The following ADGRF1 variants were observed in gnomAD, a reference collection of about 807,000 sequenced individuals.
ADGRF1 encodes adhesion G protein-coupled receptor F1, also known as G protein-coupled receptor 110.
In ADGRF1, 85 loss-of-function variants were observed where a neutral mutation model predicts 87.2. The observed-to-expected ratio is 0.97, with a 90% CI of 0.82 to 1.17. The LOEUF is 1.17. ADGRF1 is among the 50% of genes most tolerant of loss of function. The pLI is 0.00. For missense variants in ADGRF1, 1,169 were observed against 1,077.2 expected (o/e 1.09, Z -1.19); for synonymous variants, 430 against 408.8 (o/e 1.05, Z -0.63).
rs759766820 is a variant in ADGRF1, at chr6:47,021,454, G to A, written c.552+504C>T. Among the ~76,000 whole-genome samples, 18 of 152,150 alleles carry A rather than the reference G, an allele frequency of 1.2e-4. 1 individual carries two copies. The highest frequency in any genetic ancestry group is 2.4e-4 in the African/African-American group (10 of 41,516). On this transcript the variant is annotated intron_variant, in intron 6 of 14. Coordinates refer to ENST00000371253, the MANE Select transcript of ADGRF1 (RefSeq NM_153840.4). ...CAGCTAACTACAAACTCCACCTCCC[G>A]GGTTCAAGCAATTCTCGTGCCTCAT... is the stretch of plus-strand genomic sequence containing the variant.
intron 1 of ADGRF1, among the ~76,000 whole-genome samples, chr6:47,036,373 C>T (rs1020954600): frequency 1.3e-5 from 2 of 152,162 alleles, no homozygotes; most frequent in Admixed American, 6.5e-5. Flanking sequence ...AAACTGCACA[C>T]GTACCCCCTG....
At chr6:47,033,819 A>G (rs908909449) in intron 1 of ADGRF1, among the ~76,000 whole-genome samples, 1 of 152,242 alleles carries the variant, frequency 6.6e-6, no homozygotes, top group African/African-American at 2.4e-5. Flanking sequence ...TGTTTCTGTA[A>G]CTGAACAGAG....
chr6:47,032,139 G>T lies in ADGRF1; in HGVS notation c.-43-3035C>A, dbSNP rs535082597. On this transcript the variant is annotated intron_variant, in intron 1 of 14. Transcript: ENST00000371253. ...GAAAGCGGCTGAGGGAGAGGTTGTG[G>T]CACCTGTGGCCTCCACTCCGCCCCC... 1.5e-3 allele frequency among the ~76,000 whole-genome samples: 224 copies of T among 152,164 alleles called. 1 individual carries two copies. Among genetic ancestry groups the T allele is most frequent in the Middle Eastern group, 6.8e-3 (2 of 294 alleles).
chr6:47,024,625 T>C (rs1780170478), intron 4 of ADGRF1, among the ~76,000 whole-genome samples: 1 of 152,190 alleles, frequency 6.6e-6, no homozygotes, highest in African/African-American at 2.4e-5. Flanking sequence ...TGAGTAGTGA[T>C]TTGTGATCCT....
At chr6:47,008,807 A>C in intron 11 of ADGRF1, 138 bp downstream of exon 11, 1 of 715,452 alleles carries the variant, frequency 1.4e-6, no homozygotes, top group South Asian at 2.3e-5. Flanking sequence ...TTTTCTATTT[A>C]TTGTTTCCAT....
intron 3 of ADGRF1, 152 bp from the exon 4 acceptor site, chr6:47,026,155 A>G (rs1294668747): frequency 1.6e-6 from 1 of 619,132 alleles, no homozygotes; most frequent in Non-Finnish European, 2.8e-6. Flanking sequence ...TGGACTAACA[A>G]TGAACACTGA....
At chr6:47,023,200 C>T (rs1007827148) in intron 5 of ADGRF1, among the ~76,000 whole-genome samples, 44 of 152,190 alleles carry the variant, frequency 2.9e-4, no homozygotes, top group African/African-American at 8.9e-4. Flanking sequence ...TACAACTAGT[C>T]TCCTAATTCA....
At chr6:47,027,172 A>G (rs115702753) in intron 3 of ADGRF1, among the ~76,000 whole-genome samples, 4 of 152,234 alleles carry the variant, frequency 2.6e-5, no homozygotes, top group African/African-American at 9.6e-5. Flanking sequence ...AATTGTATTC[A>G]TGTCATTCCA....
intron 1 of ADGRF1, among the ~76,000 whole-genome samples, chr6:47,035,850 C>A (rs1270346553): frequency 6.6e-6 from 1 of 152,196 alleles, no homozygotes; most frequent in East Asian, 1.9e-4. Context: ...CAGCTAAGCA[C>A]TGGGTACACA....
intron 7 of ADGRF1, chr6:47,020,442 T>G: frequency 8.8e-7 from 1 of 1,134,548 alleles, no homozygotes; most frequent in Non-Finnish European, 1.2e-6. Flanking sequence ...GTTGCAGGGT[T>G]GCAGTGAGCC....
intron 1 of ADGRF1, among the ~76,000 whole-genome samples, chr6:47,039,227 C>T (rs1780670214): frequency 1.3e-5 from 2 of 152,138 alleles, no homozygotes; most frequent in South Asian, 4.1e-4. Context: ...GCACTAAAAC[C>T]AAGAAGACAC....
chr6:47,017,446 T>C (rs2113889940), intron 7 of ADGRF1: 1 of 152,304 alleles, frequency 6.6e-6, no homozygotes, highest in South Asian at 2.1e-4. Flanking sequence ...TTGAACTAGC[T>C]GGGTAGCTAT....
chr6:47,003,615 T>C (rs1288017289), intron 13 of ADGRF1, among the ~76,000 whole-genome samples: 1 of 152,200 alleles, frequency 6.6e-6, no homozygotes, highest in Non-Finnish European at 1.5e-5. Flanking sequence ...AACTTAACTC[T>C]TTCAACCAAT....
chr6:47,016,962 G>A, intron 7 of ADGRF1, 194 bp from the exon 8 acceptor site: 1 of 452,520 alleles, frequency 2.2e-6, no homozygotes, highest in Non-Finnish European at 3.1e-6. Context: ...ATATATATAT[G>A]TATAAATACA....
At chr6:47,003,894 T>C (rs542615501) in intron 13 of ADGRF1, among the ~76,000 whole-genome samples, 8 of 152,206 alleles carry the variant, frequency 5.3e-5, no homozygotes, top group Non-Finnish European at 1.2e-4. Flanking sequence ...AGATACTTTT[T>C]CACCTAGAAT....
chr6:47,027,623 A>G (rs1003276658), intron 3 of ADGRF1, 81 bp downstream of exon 3: 5 of 853,362 alleles, frequency 5.9e-6, no homozygotes, highest in East Asian at 2.4e-5. Context: ...TCATACAACC[A>G]GTCAGGGGCA....
At chr6:47,011,518 G>A (rs1197088037) in intron 10 of ADGRF1, among the ~76,000 whole-genome samples, 1 of 152,184 alleles carries the variant, frequency 6.6e-6, no homozygotes, top group Non-Finnish European at 1.5e-5. Context: ...AAAGTGACCA[G>A]GCTACAGATA....
rs113653411 is a variant in ADGRF1, at chr6:47,014,866, A to G, written c.764-22T>C. On this transcript the variant is annotated intron_variant, in intron 8 of 14. Transcript: ENST00000371253. ...TGGGCTGGAAACAAAAGAAAACAACAAAGAAAAATGATCCTAGAATATCCT... is the reference window on the plus strand; with the variant it reads ...TGGGCTGGAAACAAAAGAAAACAACGAAGAAAAATGATCCTAGAATATCCT... 1.9e-3 allele frequency: 3,072 copies of G among 1,578,256 alleles called. 58 individuals are homozygous for G. In the African/African-American group the frequency reaches 0.035, roughly 18 times the overall value.
At chr6:47,019,101 A>C (rs184308005) in intron 7 of ADGRF1, 160 of 207,142 alleles carry the variant, frequency 7.7e-4, no homozygotes, top group Admixed American at 3.0e-3. Flanking sequence ...AACAAAAGTA[A>C]AAAGTTGTAG....
Sources: allele counts gnomAD v4.1 joint callset (sites outside exome capture counted in the v4.1 genomes callset), GRCh38; gene constraint gnomAD v4.1.1; transcripts MANE v1.5; gene names NCBI Gene and HGNC (gene_info 2026-07-23, HGNC 2026-07-21).